The following EYS variants were observed in gnomAD, a reference collection of about 807,000 sequenced individuals.
EYS encodes EGF-like photoreceptor maintenance factor, also known as protein eyes shut homolog.
In EYS, 250 loss-of-function variants were observed where a neutral mutation model predicts 282.1. The observed-to-expected ratio is 0.89, with a 90% CI of 0.80 to 0.98. The LOEUF (loss-of-function observed/expected upper bound fraction) is 0.98. EYS is among the 50% of genes least tolerant of loss of function. The pLI, the probability that EYS is intolerant of heterozygous loss-of-function variation, is 0.00. For missense variants in EYS, 4,016 were observed against 3,709.0 expected, an observed-to-expected ratio of 1.08 and a Z score of -2.15; for synonymous variants, 1,355 against 1,282.9, an observed-to-expected ratio of 1.06 and a Z score of -1.20.
At chr6:64,343,846 T>C (rs1248722840) in intron 29 of EYS, among the ~76,000 whole-genome samples, 2 of 151,926 alleles carry the variant, frequency 1.3e-5, no homozygotes, top group Non-Finnish European at 2.9e-5. Flanking sequence ...AAGAATCAAA[T>C]AGACGCAATA....
At chr6:64,842,859 G>T (rs557525888) in intron 19 of EYS, among the ~76,000 whole-genome samples, 70 of 152,218 alleles carry the variant, frequency 4.6e-4, no homozygotes, top group African/African-American at 1.6e-3. Flanking sequence ...TAAAAGTTCA[G>T]GAAATTTGCA....
chr6:64,168,166 C>G (rs1264597641), intron 31 of EYS, among the ~76,000 whole-genome samples: 1 of 152,136 alleles, frequency 6.6e-6, no homozygotes, highest in Non-Finnish European at 1.5e-5. Flanking sequence ...GACGCTGAGG[C>G]AGGAGAATGG....
At chr6:65,405,436 G>A (rs551928437) in intron 5 of EYS, 69 bp from the exon 6 acceptor site, 3 of 1,220,176 alleles carry the variant, frequency 2.5e-6, no homozygotes, top group Non-Finnish European at 3.6e-6. Flanking sequence ...GCATAGATAT[G>A]TAGCAAAACA....
intron 22 of EYS, among the ~76,000 whole-genome samples, chr6:64,692,446 T>C (rs1383332341): frequency 6.6e-6 from 1 of 152,178 alleles, no homozygotes; most frequent in East Asian, 1.9e-4. Context: ...TATCTTTTGC[T>C]GCAAAGAAGC....
At chr6:63,756,229 GT>G (rs1269340166) in intron 41 of EYS, among the ~76,000 whole-genome samples, 1 of 152,128 alleles carries the variant, frequency 6.6e-6, no homozygotes, top group African/African-American at 2.4e-5. Flanking sequence ...AATGCTTCCA[GT>G]TTTTGCCCAT....
At chr6:64,890,384 A>T (rs1383725336) in intron 18 of EYS, among the ~76,000 whole-genome samples, 1 of 152,018 alleles carries the variant, frequency 6.6e-6, no homozygotes, top group Non-Finnish European at 1.5e-5. Context: ...CCTAATAAAA[A>T]CTTGCTGGTT....
intron 11 of EYS, among the ~76,000 whole-genome samples, chr6:65,312,822 C>T (rs1249321478): frequency 2.0e-5 from 3 of 151,994 alleles, no homozygotes; most frequent in East Asian, 3.9e-4. Context: ...CTGGGAGATA[C>T]CTAGTTCAAT....
At chr6:64,063,797 G>A (rs1183479446) in intron 33 of EYS, among the ~76,000 whole-genome samples, 4 of 152,030 alleles carry the variant, frequency 2.6e-5, no homozygotes, top group Non-Finnish European at 5.9e-5. Context: ...GCAGGATCTC[G>A]GCTCACTGCA....
intron 28 of EYS, among the ~76,000 whole-genome samples, chr6:64,431,124 G>C (rs1774563921): frequency 1.4e-5 from 2 of 144,336 alleles, no homozygotes; most frequent in Admixed American, 7.0e-5. Flanking sequence ...CACAACACAA[G>C]GTCAAAGGAA....
chr6:63,905,168 G>T (rs1220981018), intron 35 of EYS, among the ~76,000 whole-genome samples: 1 of 152,104 alleles, frequency 6.6e-6, no homozygotes, highest in African/African-American at 2.4e-5. Flanking sequence ...TTTTGTGTCT[G>T]TGTCTGGCTT....
intron 12 of EYS, among the ~76,000 whole-genome samples, chr6:65,221,043 T>C (rs1415507751): frequency 6.6e-6 from 1 of 152,200 alleles, no homozygotes; most frequent in Non-Finnish European, 1.5e-5. Flanking sequence ...GTGACTTGGG[T>C]ACTGTAAAAT....
chr6:64,341,446 C>G lies in EYS; in HGVS notation c.6079-34364G>C, dbSNP rs145837110. Among the ~76,000 whole-genome samples, 1,371 of 151,816 alleles carry G rather than the reference C, an allele frequency of 9.0e-3. 9 individuals are homozygous for G. Among genetic ancestry groups the G allele is most frequent in the Non-Finnish European group, 0.015 (1,048 of 67,786 alleles). On this transcript the variant is annotated intron_variant, in intron 29 of 42. Transcript: ENST00000503581. ...GCCTAAATGAATTAATGCTAGAACC[C>G]AAAGCCAAATACTCATGTTCTCACT...
At chr6:64,559,829 G>T (rs1320071263) in intron 26 of EYS, among the ~76,000 whole-genome samples, 1 of 152,050 alleles carries the variant, frequency 6.6e-6, no homozygotes, top group East Asian at 1.9e-4. Context: ...TGTCACAGGG[G>T]TTTGTTGTAC....
chr6:64,791,032 T>C (rs1009087077), intron 22 of EYS, among the ~76,000 whole-genome samples: 10 of 151,866 alleles, frequency 6.6e-5, no homozygotes, highest in Admixed American at 6.6e-4. Context: ...CTTAATCTCC[T>C]TATGCTGTTT....
chr6:65,041,223 A>G (rs1366333279), intron 13 of EYS, among the ~76,000 whole-genome samples: 1 of 151,730 alleles, frequency 6.6e-6, no homozygotes, highest in African/African-American at 2.4e-5. Flanking sequence ...AGATCAGTCC[A>G]TAGTACTTCT....
At chr6:65,133,237 A>T (rs1266520616) in intron 12 of EYS, among the ~76,000 whole-genome samples, 12 of 152,044 alleles carry the variant, frequency 7.9e-5, no homozygotes. Flanking sequence ...AACAACAAAA[A>T]AAAGTGCCCA....
chr6:65,490,434 C>T, intron 5 of EYS, 160 bp downstream of exon 5: 1 of 547,648 alleles, frequency 1.8e-6, no homozygotes, highest in Non-Finnish European at 3.3e-6. Context: ...TTGTATTAAC[C>T]AAATTGATTT....
chr6:65,636,423 T>A (rs1767091929), intron 2 of EYS, among the ~76,000 whole-genome samples: 1 of 152,208 alleles, frequency 6.6e-6, no homozygotes, highest in African/African-American at 2.4e-5. Context: ...GGAAGTCTAC[T>A]CTGGTTATTC....
chr6:65,537,455 A>G (rs184340073), intron 2 of EYS, among the ~76,000 whole-genome samples: 93 of 152,284 alleles, frequency 6.1e-4, no homozygotes, highest in Admixed American at 1.5e-3. Context: ...TTATGCATAA[A>G]CAATAATTAA....
Sources: gnomAD v4.1 joint callset for allele counts (sites outside exome capture counted in the v4.1 genomes callset) on GRCh38, gnomAD v4.1.1 for gene constraint, MANE v1.5 for transcripts, NCBI Gene and HGNC (gene_info 2026-07-23, HGNC 2026-07-21) for gene names.